The following SLC35F3 variants were observed in gnomAD, a reference collection of about 807,000 sequenced individuals.
SLC35F3 encodes the protein putative thiamine transporter SLC35F3.
Under a neutral mutation model 49.9 loss-of-function variants are expected in SLC35F3, and 25 were observed. The ratio of observed to expected loss-of-function variants is 0.50; its 90% CI spans 0.37 to 0.70. SLC35F3 has a LOEUF of 0.70. Ranked by LOEUF, SLC35F3 falls within the 30% of genes least tolerant of loss-of-function variation. The pLI is 0.00. For missense variants in SLC35F3, 525 were observed against 639.8 expected (o/e 0.82, Z 1.94); for synonymous variants, 275 against 265.4 (o/e 1.04, Z -0.35).
intron 2 of SLC35F3, among the ~76,000 whole-genome samples, chr1:234,092,493 T>A (rs1052853326): frequency 6.6e-6 from 1 of 152,052 alleles, no homozygotes; most frequent in African/African-American, 2.4e-5. Context: ...GGAACCAACA[T>A]GGCACTGTGA....
At chr1:234,143,125 G>A (rs906148359) in intron 2 of SLC35F3, among the ~76,000 whole-genome samples, 1 of 152,002 alleles carries the variant, frequency 6.6e-6, no homozygotes, top group East Asian at 1.9e-4. Flanking sequence ...TCCTCATGCT[G>A]TACTTTAGAC....
intron 2 of SLC35F3, among the ~76,000 whole-genome samples, chr1:234,096,920 A>G (rs1230373704): frequency 1.6e-5 from 2 of 126,620 alleles, no homozygotes; most frequent in Non-Finnish European, 3.2e-5. Flanking sequence ...ACGGAGTTTC[A>G]CTCTTGTTGC....
chr1:234,108,421 T>A lies in SLC35F3; in HGVS notation c.284-122996T>A, dbSNP rs1558231476. The stretch of plus-strand genomic sequence containing the variant: ...TATTTATATATATGATATATATTAT[T>A]TATATATAAAAGATATATATAAAAG... On this transcript the variant is annotated intron_variant, in intron 2 of 7. Coordinates refer to ENST00000366618, the MANE Select transcript of SLC35F3 (RefSeq NM_173508.4). 6.2e-5 allele frequency among the ~76,000 whole-genome samples: 6 copies of A among 96,964 alleles called. 1 individual carries two copies. The highest frequency in any genetic ancestry group is 6.6e-4 in the East Asian group (2 of 3,010). 63.6% of individuals were successfully genotyped at this position (96,964 alleles called of 152,430 possible).
intron 2 of SLC35F3, among the ~76,000 whole-genome samples, chr1:234,065,377 G>A (rs1167423564): frequency 6.6e-6 from 1 of 152,144 alleles, no homozygotes; most frequent in Non-Finnish European, 1.5e-5. Flanking sequence ...TGGACTTCCT[G>A]ATCTCGTGAC....
chr1:234,061,523 C>T (rs917101622), intron 2 of SLC35F3, among the ~76,000 whole-genome samples: 1 of 151,338 alleles, frequency 6.6e-6, no homozygotes, highest in East Asian at 1.9e-4. Flanking sequence ...ATTTTTAAGC[C>T]ATTATTTCTC....
chr1:234,020,679 T>C (rs1663877824), intron 2 of SLC35F3, among the ~76,000 whole-genome samples: 1 of 152,206 alleles, frequency 6.6e-6, no homozygotes, highest in Non-Finnish European at 1.5e-5. Context: ...AAGCAATTCT[T>C]TCAGTGCTAC....
intron 4 of SLC35F3, among the ~76,000 whole-genome samples, chr1:234,315,747 G>T (rs372692265): frequency 6.6e-6 from 1 of 152,098 alleles, no homozygotes; most frequent in Non-Finnish European, 1.5e-5. Context: ...TTCTACTGAC[G>T]GCAACCCCCT....
intron 2 of SLC35F3, among the ~76,000 whole-genome samples, chr1:234,000,423 A>G (rs1301463795): frequency 6.6e-6 from 1 of 152,214 alleles, no homozygotes; most frequent in East Asian, 1.9e-4. Context: ...CTGACTAACA[A>G]GGCTCTCTGA....
At chr1:234,050,373 T>C (rs954768433) in intron 2 of SLC35F3, among the ~76,000 whole-genome samples, 2 of 152,256 alleles carry the variant, frequency 1.3e-5, no homozygotes, top group Non-Finnish European at 2.9e-5. Context: ...TTGATTTGCA[T>C]TTCTCTGATG....
intron 2 of SLC35F3, among the ~76,000 whole-genome samples, chr1:234,082,214 C>T (rs1018536032): frequency 5.3e-5 from 8 of 152,030 alleles, no homozygotes; most frequent in Non-Finnish European, 7.4e-5. Context: ...CAGTTTTCTG[C>T]GGTTCATGTT....
chr1:234,236,705 C>G (rs762162384), intron 3 of SLC35F3, among the ~76,000 whole-genome samples: 1 of 151,858 alleles, frequency 6.6e-6, no homozygotes, highest in Non-Finnish European at 1.5e-5. Context: ...GTGTGAATAT[C>G]AGGAGTCATG....
chr1:234,258,542 G>A (rs1176375017), intron 3 of SLC35F3, among the ~76,000 whole-genome samples: 1 of 152,220 alleles, frequency 6.6e-6, no homozygotes. Context: ...CTAATCTTGT[G>A]ACCTTTCATT....
chr1:234,045,497 G>A (rs1442720917), intron 2 of SLC35F3, among the ~76,000 whole-genome samples: 1 of 152,104 alleles, frequency 6.6e-6, no homozygotes, highest in Non-Finnish European at 1.5e-5. Flanking sequence ...CTGAAGAACA[G>A]TAATCTTAAG....
chr1:234,265,482 T>C (rs1358186058), intron 3 of SLC35F3, among the ~76,000 whole-genome samples: 1 of 151,944 alleles, frequency 6.6e-6, no homozygotes, highest in Non-Finnish European at 1.5e-5. Context: ...CTCAGCATTA[T>C]TTCTGATGCC....
At chr1:234,210,629 G>GGTTATC (rs1667034285) in intron 2 of SLC35F3, among the ~76,000 whole-genome samples, 2 of 152,228 alleles carry the variant, frequency 1.3e-5, no homozygotes, top group African/African-American at 4.8e-5. Flanking sequence ...AGATGATTTA[G>GGTTATC]GTTATCTGGC....
intron 2 of SLC35F3, among the ~76,000 whole-genome samples, chr1:234,168,295 G>T (rs12409862): frequency 5.2e-4 from 79 of 152,310 alleles, no homozygotes; most frequent in African/African-American, 1.9e-3. Context: ...AAACTGTGAT[G>T]GCCGGGGTAC....
At chr1:234,198,115 A>G (rs1234609377) in intron 2 of SLC35F3, among the ~76,000 whole-genome samples, 2 of 152,214 alleles carry the variant, frequency 1.3e-5, no homozygotes, top group Non-Finnish European at 2.9e-5. Flanking sequence ...TTTTAGAGGA[A>G]AAGGGAAGGA....
intron 2 of SLC35F3, among the ~76,000 whole-genome samples, chr1:234,025,403 TCA>T (rs1663962384): frequency 6.6e-6 from 1 of 152,356 alleles, no homozygotes; most frequent in Admixed American, 6.5e-5. Context: ...AAACTGCTTC[TCA>T]CAGTGACTGA....
At chr1:233,935,669 CTCTT>C (rs1662312569) in intron 2 of SLC35F3, among the ~76,000 whole-genome samples, 3 of 152,180 alleles carry the variant, frequency 2.0e-5, no homozygotes, top group African/African-American at 7.2e-5. Context: ...CCTTGAGAGG[CTCTT>C]TCTGTCTCTT....
Sources: gnomAD v4.1 joint callset for allele counts (sites outside exome capture counted in the v4.1 genomes callset) on GRCh38, gnomAD v4.1.1 for gene constraint, MANE v1.5 for transcripts, NCBI Gene and HGNC (gene_info 2026-07-23, HGNC 2026-07-21) for gene names.